NLGN1: variants seen among roughly 807,000 people sequenced by gnomAD.
NLGN1 encodes the protein neuroligin-1.
NLGN1 carries 12 observed loss-of-function variants against 65.5 expected under a neutral mutation model. That is an observed-to-expected ratio of 0.18 (90% confidence interval 0.12 to 0.30). The LOEUF is 0.30. Among genes scored for constraint, NLGN1 ranks in the 10% least tolerant of loss-of-function variants. The pLI is 1.00. For missense variants in NLGN1, 750 were observed against 1,007.1 expected (o/e 0.74, Z 3.46); for synonymous variants, 350 against 359.5 (o/e 0.97, Z 0.30).
chr3:173,954,443 C>A (rs868526253), intron 4 of NLGN1, among the ~76,000 whole-genome samples: 5 of 152,074 alleles, frequency 3.3e-5, no homozygotes, highest in Admixed American at 2.6e-4. Context: ...GGGAAACCTG[C>A]ATTTGAAATT....
intron 2 of NLGN1, among the ~76,000 whole-genome samples, chr3:173,502,739 C>T (rs750812279): frequency 1.1e-4 from 17 of 151,686 alleles, no homozygotes; most frequent in African/African-American, 2.4e-4. Flanking sequence ...AAATAGCAGA[C>T]GGCACAAATC....
intron 2 of NLGN1, among the ~76,000 whole-genome samples, chr3:173,466,037 A>G (rs1724288149): frequency 6.6e-6 from 1 of 152,194 alleles, no homozygotes; most frequent in African/African-American, 2.4e-5. Context: ...ACAAAGATAA[A>G]TAGACCAGGT....
chr3:173,861,893 G>T (rs898323860), intron 4 of NLGN1, among the ~76,000 whole-genome samples: 1 of 151,132 alleles, frequency 6.6e-6, no homozygotes, highest in Non-Finnish European at 1.5e-5. Context: ...CGAGTAGCTG[G>T]GATTACAGAT....
At chr3:174,231,948 T>C (rs868813261) in intron 4 of NLGN1, among the ~76,000 whole-genome samples, 14 of 152,178 alleles carry the variant, frequency 9.2e-5, no homozygotes, top group African/African-American at 3.4e-4. Flanking sequence ...GCCATTTAAA[T>C]AGTCATCTGT....
At chr3:173,452,379 G>T (rs1721746307) in intron 2 of NLGN1, among the ~76,000 whole-genome samples, 1 of 151,942 alleles carries the variant, frequency 6.6e-6, no homozygotes, top group African/African-American at 2.4e-5. Flanking sequence ...GTAGAGACGG[G>T]GTTTCATCGT....
At chr3:174,032,511 G>A (rs1201876933) in intron 4 of NLGN1, among the ~76,000 whole-genome samples, 1 of 152,194 alleles carries the variant, frequency 6.6e-6, no homozygotes. Context: ...GAACTTGTTA[G>A]AAATGCAGTA....
intron 3 of NLGN1, among the ~76,000 whole-genome samples, chr3:173,765,764 A>G (rs1024401910): frequency 5.3e-5 from 8 of 152,086 alleles, no homozygotes; most frequent in African/African-American, 1.9e-4. Context: ...TGTTTCTCAC[A>G]CTTTTATTGC....
At chr3:173,485,485 C>G (rs1728030261) in intron 2 of NLGN1, among the ~76,000 whole-genome samples, 1 of 152,066 alleles carries the variant, frequency 6.6e-6, no homozygotes, top group Non-Finnish European at 1.5e-5. Context: ...AAAAATTATG[C>G]TAGAATTTTG....
chr3:174,041,186 T>A (rs549911784), intron 4 of NLGN1, among the ~76,000 whole-genome samples: 122 of 152,296 alleles, frequency 8.0e-4, no homozygotes, highest in African/African-American at 1.7e-3. Flanking sequence ...GGATTTTTTT[T>A]AAATTGTTTA....
chr3:173,648,723 C>T (rs964739994), intron 3 of NLGN1, among the ~76,000 whole-genome samples: 1 of 152,024 alleles, frequency 6.6e-6, no homozygotes, highest in Non-Finnish European at 1.5e-5. Flanking sequence ...TACAGGCATG[C>T]ACCACCACAC....
At chr3:173,538,490 G>T (rs563670929) in intron 2 of NLGN1, among the ~76,000 whole-genome samples, 2 of 152,154 alleles carry the variant, frequency 1.3e-5, no homozygotes, top group African/African-American at 2.4e-5. Flanking sequence ...AACGTTATGC[G>T]CAGAGAAGGC....
At chr3:173,678,896 G>A (rs574635905) in intron 3 of NLGN1, among the ~76,000 whole-genome samples, 1 of 152,234 alleles carries the variant, frequency 6.6e-6, no homozygotes, top group African/African-American at 2.4e-5. Context: ...ACATTTAGGA[G>A]AATTCCTTGC....
intron 4 of NLGN1, among the ~76,000 whole-genome samples, chr3:174,034,513 G>C (rs1043254648): frequency 3.3e-5 from 5 of 152,030 alleles, no homozygotes; most frequent in African/African-American, 9.7e-5. Flanking sequence ...ACATGGATAA[G>C]TAAAATGACA....
chr3:174,093,308 G>T (rs1744880129), intron 4 of NLGN1, among the ~76,000 whole-genome samples: 1 of 152,174 alleles, frequency 6.6e-6, no homozygotes, highest in African/African-American at 2.4e-5. Context: ...ATAAGTGCAA[G>T]TAATAAAGAT....
chr3:173,800,228 T>C, intron 3 of NLGN1: 2 of 470,662 alleles, frequency 4.2e-6, no homozygotes, highest in Non-Finnish European at 6.4e-6. Flanking sequence ...TTTTTTCCCC[T>C]CAGTCTTGTT....
intron 2 of NLGN1, among the ~76,000 whole-genome samples, chr3:173,473,946 T>C (rs1725751427): frequency 2.0e-5 from 3 of 152,196 alleles, no homozygotes; most frequent in Admixed American, 6.5e-5. Flanking sequence ...GGCACAGGGC[T>C]GCTTTTACTT....
At chr3:174,101,387 G>C (rs1480522507) in intron 4 of NLGN1, among the ~76,000 whole-genome samples, 4 of 152,112 alleles carry the variant, frequency 2.6e-5, no homozygotes, top group Non-Finnish European at 5.9e-5. Context: ...GTTTAAACTG[G>C]AACAGTAGCT....
chr3:173,443,254 A>G (rs954602798), intron 2 of NLGN1, among the ~76,000 whole-genome samples: 1 of 149,704 alleles, frequency 6.7e-6, no homozygotes, highest in African/African-American at 2.4e-5. Context: ...AAAAAAAAGA[A>G]GTTTTTTAAA....
intron 4 of NLGN1, among the ~76,000 whole-genome samples, chr3:174,166,473 C>T (rs900692399): frequency 6.6e-6 from 1 of 151,880 alleles, no homozygotes; most frequent in African/African-American, 2.4e-5. Context: ...GTTTAATTTC[C>T]ATATAATGGT....
Sources: gnomAD v4.1 joint callset for allele counts (sites outside exome capture counted in the v4.1 genomes callset) on GRCh38, gnomAD v4.1.1 for gene constraint, MANE v1.5 for transcripts, NCBI Gene and HGNC (gene_info 2026-07-23, HGNC 2026-07-21) for gene names.